Variants in SLC25A16 observed in about 807,000 individuals in gnomAD.
The protein encoded by SLC25A16 is mitochondrial coenzyme A transporter SLC25A16.
Under a neutral mutation model 41.5 loss-of-function variants are expected in SLC25A16, and 39 were observed. The ratio of observed to expected loss-of-function variants is 0.94; its 90% CI spans 0.73 to 1.23. The LOEUF is 1.23. Among genes scored for constraint, SLC25A16 ranks in the 50% most tolerant of loss-of-function variants. SLC25A16 has a pLI of 0.00. For missense variants in SLC25A16, 421 were observed against 426.9 expected (o/e 0.99, Z 0.12); for synonymous variants, 146 against 147.8 (o/e 0.99, Z 0.09).
In SLC25A16 at chr10:68,480,876, T is replaced by C. The variant is rs183385501; in HGVS notation, c.*2556A>G. ...ACAGTGTGGTCTAGAAATGAAAATA[T>C]ACAAATGGTTTTAAGAACACATGTA... On this transcript the variant is annotated 3_prime_UTR_variant, in exon 9 of 9. Transcript: ENST00000609923. 2.0e-5 allele frequency: 3 copies of C among 152,048 alleles called. No individual in the cohort carries two copies. The highest frequency in any genetic ancestry group is 1.9e-4 in the East Asian group (1 of 5,186). 9.4% of individuals were successfully genotyped at this position (152,048 alleles called of 1,614,324 possible).
intron 1 of SLC25A16, among the ~76,000 whole-genome samples, chr10:68,520,738 G>A (rs2053236536): frequency 6.6e-6 from 1 of 150,966 alleles, no homozygotes; most frequent in South Asian, 2.1e-4. Context: ...CTTGAATCCA[G>A]GAGGCAGAGG....
intron 2 of SLC25A16, among the ~76,000 whole-genome samples, chr10:68,514,137 G>A (rs1306018955): frequency 1.3e-5 from 2 of 152,098 alleles, no homozygotes; most frequent in Non-Finnish European, 2.9e-5. Context: ...AGGTTTCAAT[G>A]AGCCAAGATC....
intron 2 of SLC25A16, among the ~76,000 whole-genome samples, chr10:68,511,918 A>G (rs2053070556): frequency 6.6e-6 from 1 of 151,490 alleles, no homozygotes; most frequent in Admixed American, 6.6e-5. Flanking sequence ...GTACAGTAGC[A>G]CAGTCTTGGC....
At chr10:68,489,862 C>T (rs1174153301) in intron 6 of SLC25A16, among the ~76,000 whole-genome samples, 3 of 147,304 alleles carry the variant, frequency 2.0e-5, no homozygotes, top group African/African-American at 7.7e-5. Flanking sequence ...GATGGCAACA[C>T]TGCACTCTAG....
intron 4 of SLC25A16, among the ~76,000 whole-genome samples, chr10:68,498,252 C>G (rs1040741518): frequency 2.0e-5 from 3 of 151,922 alleles, no homozygotes; most frequent in Non-Finnish European, 4.4e-5. Flanking sequence ...TTTCCAAACA[C>G]GTAGGAAGCT....
At chr10:68,494,878 TA>T (rs548778691) in intron 4 of SLC25A16, among the ~76,000 whole-genome samples, 528 of 119,428 alleles carry the variant, frequency 4.4e-3, no homozygotes, top group Middle Eastern at 0.019. Flanking sequence ...AAACTGCATC[TA>T]AAAAAAAAAA....
intron 1 of SLC25A16, among the ~76,000 whole-genome samples, chr10:68,521,774 T>C (rs1281428709): frequency 6.6e-6 from 1 of 151,350 alleles, no homozygotes; most frequent in Non-Finnish European, 1.5e-5. Context: ...TTTGTATTTT[T>C]TTTTAGTAGA....
At chr10:68,513,706 A>G (rs979589784) in intron 2 of SLC25A16, among the ~76,000 whole-genome samples, 23 of 152,258 alleles carry the variant, frequency 1.5e-4, no homozygotes, top group Admixed American at 1.4e-3. Flanking sequence ...CCTGGCAAAC[A>G]CGGTGAAACC....
chr10:68,498,209 C>G (rs540104610), intron 4 of SLC25A16, among the ~76,000 whole-genome samples: 1 of 152,256 alleles, frequency 6.6e-6, no homozygotes, highest in African/African-American at 2.4e-5. Flanking sequence ...TTCAAAAATT[C>G]AAGAGTTGGA....
chr10:68,524,378 C>A (rs1429072256), intron 1 of SLC25A16, among the ~76,000 whole-genome samples: 1 of 142,504 alleles, frequency 7.0e-6, no homozygotes, highest in Non-Finnish European at 1.5e-5. Context: ...TTCGTCTCTA[C>A]TAAAAATACA....
intron 2 of SLC25A16, among the ~76,000 whole-genome samples, chr10:68,509,905 C>T (rs1590116946): frequency 6.6e-6 from 1 of 151,596 alleles, no homozygotes; most frequent in Non-Finnish European, 1.5e-5. Flanking sequence ...AGCCTGACCT[C>T]GTCTCTACTA....
chr10:68,525,166 G>T (rs1321155117), intron 1 of SLC25A16, among the ~76,000 whole-genome samples: 1 of 152,058 alleles, frequency 6.6e-6, no homozygotes, highest in Non-Finnish European at 1.5e-5. Context: ...TTGAGATGGA[G>T]TGTCTCTGTC....
chr10:68,502,832 A>G (rs1590108850), intron 4 of SLC25A16, among the ~76,000 whole-genome samples: 1 of 25,396 alleles, frequency 3.9e-5, no homozygotes, highest in African/African-American at 2.0e-4. Context: ...GGGGGAGGGG[A>G]GGGGAAAGGA....
chr10:68,527,349 G>A lies in SLC25A16; in HGVS notation c.27C>T (p.Ala9=). 3 of 1,513,020 alleles carry A rather than the reference G, an allele frequency of 2.0e-6. No individual in the cohort carries two copies. The highest frequency in any genetic ancestry group is 1.4e-5 in the African/African-American group (1 of 70,036). The allele number at this position is 1,513,020 out of a possible 1,614,324, so 93.7% of individuals were successfully genotyped here. The change falls in exon 1 of 9, where the codon GCC becomes GCT. Residue 9 remains alanine, a synonymous_variant. Transcript: ENST00000609923. ...CGGGAGGGGGATCGGCCGCCGCCAG[G>A]GCTGCCGCGGCCGTCGCCGCCGCCA... MAAATAAA[A]LAAADPPPAM... is the part of the protein sequence containing the mutation.
At chr10:68,494,524 GGA>G (rs1277837946) in intron 4 of SLC25A16, among the ~76,000 whole-genome samples, 4 of 147,088 alleles carry the variant, frequency 2.7e-5, no homozygotes, top group Non-Finnish European at 4.5e-5. Flanking sequence ...CGGGAGGGGA[GGA>G]GAGAGAGAGA....
chr10:68,485,336 C>A (rs896810588), intron 8 of SLC25A16, among the ~76,000 whole-genome samples: 1 of 152,054 alleles, frequency 6.6e-6, no homozygotes, highest in Admixed American at 6.6e-5. Flanking sequence ...GTGATCCTCC[C>A]GCGTCAGCCT....
At chr10:68,488,403 C>T in intron 7 of SLC25A16, 64 bp downstream of exon 7, 5 of 1,164,416 alleles carry the variant, frequency 4.3e-6, no homozygotes, top group Non-Finnish European at 4.7e-6. Flanking sequence ...AATGATTAAA[C>T]AATGCTGAAA....
At chr10:68,520,013 C>T (rs1457005912) in intron 1 of SLC25A16, among the ~76,000 whole-genome samples, 1 of 145,616 alleles carries the variant, frequency 6.9e-6, no homozygotes, top group East Asian at 2.1e-4. Context: ...TGCAATGGTG[C>T]GATCTCGGCT....
At chr10:68,519,125 G>A (rs1323196160) in intron 1 of SLC25A16, among the ~76,000 whole-genome samples, 1 of 151,874 alleles carries the variant, frequency 6.6e-6, no homozygotes, top group Non-Finnish European at 1.5e-5. Context: ...TTGGGAGGCA[G>A]AGGTTGTGGT....
Sources: allele counts gnomAD v4.1 joint callset (sites outside exome capture counted in the v4.1 genomes callset), GRCh38; gene constraint gnomAD v4.1.1; transcripts MANE v1.5; gene names NCBI Gene and HGNC (gene_info 2026-07-23, HGNC 2026-07-21).